The following MAP4 variants were observed in gnomAD, a reference collection of about 807,000 sequenced individuals.
MAP4 encodes microtubule-associated protein 4.
Under a neutral mutation model 170.2 loss-of-function variants are expected in MAP4, and 76 were observed. The ratio of observed to expected loss-of-function variants is 0.45; its 90% confidence interval spans 0.37 to 0.54. The LOEUF is 0.54. MAP4 is among the 20% of genes least tolerant of loss of function. The pLI is 0.00. For synonymous variants in MAP4, 909 were observed against 994.5 expected, an observed-to-expected ratio of 0.91 and a Z score of 1.62; for missense variants, 2,506 against 2,748.0, an observed-to-expected ratio of 0.91 and a Z score of 1.97.
In MAP4 at chr3:47,929,213, G is replaced by C. The variant is rs925042282; in HGVS notation, c.293-863C>G. On this transcript the variant is annotated intron_variant, in intron 3 of 20. Transcript: ENST00000683076. ...CTAGCAAAAATACAAAAATTAGCTG[G>C]GCATGGTGATGCATGCCTGTAATTC... 3.9e-5 allele frequency among the ~76,000 whole-genome samples: 6 copies of C among 152,054 alleles called. No homozygotes were observed. In the East Asian group the frequency reaches 1.2e-3, roughly 29 times the overall value.
At chr3:47,887,514 C>T (rs559330471) in intron 10 of MAP4, among the ~76,000 whole-genome samples, 10 of 152,226 alleles carry the variant, frequency 6.6e-5, no homozygotes, top group Non-Finnish European at 1.3e-4. Context: ...CTGTGCCGCC[C>T]GAGCCTCCCT....
At chr3:48,084,125 G>A (rs1444819952) in intron 1 of MAP4, among the ~76,000 whole-genome samples, 1 of 151,084 alleles carries the variant, frequency 6.6e-6, no homozygotes, top group African/African-American at 2.4e-5. Flanking sequence ...CAGGAGAATT[G>A]CTTGAACCCG....
chr3:47,871,887 G>A (rs1439020383), intron 13 of MAP4, 30 bp downstream of exon 13: 1 of 1,584,780 alleles, frequency 6.3e-7, no homozygotes, highest in Non-Finnish European at 8.6e-7. Flanking sequence ...CCCCTCCCTA[G>A]TTCCCATGGG....
intron 10 of MAP4, among the ~76,000 whole-genome samples, chr3:47,897,592 GA>G: frequency 6.6e-6 from 1 of 152,206 alleles, no homozygotes; most frequent in South Asian, 2.1e-4. Context: ...TGAAGTAAGG[GA>G]GAAAAAGAGG....
rs2096134451 is a variant in MAP4, at chr3:47,879,055, C to T, written c.5435-1532G>A. On this transcript the variant is annotated intron_variant, in intron 10 of 20. Transcript: ENST00000683076. Reference sequence around the variant, plus strand: ...TTATCCTAGAAGTGTATTTACACACCAGCCAAATAGTAAATGTGCAAGGTT... The same window carrying T: ...TTATCCTAGAAGTGTATTTACACACTAGCCAAATAGTAAATGTGCAAGGTT... 2.0e-5 allele frequency among the ~76,000 whole-genome samples: 3 copies of T among 151,938 alleles called. No individual in the cohort carries two copies. In the East Asian group the frequency reaches 5.8e-4, roughly 29 times the overall value.
At chr3:47,900,461 C>T (rs769333795) in intron 10 of MAP4, among the ~76,000 whole-genome samples, 4 of 152,096 alleles carry the variant, frequency 2.6e-5, no homozygotes, top group African/African-American at 4.8e-5. Context: ...CTCTAAAGGC[C>T]GGGCATGGTA....
chr3:47,891,981 T>G (rs1404129871), intron 10 of MAP4: 1 of 1,536,328 alleles, frequency 6.5e-7, no homozygotes, highest in East Asian at 2.4e-5. Flanking sequence ...CTGGTAGGGA[T>G]GTCAGCAGCC....
intron 2 of MAP4, among the ~76,000 whole-genome samples, chr3:47,982,392 AAAG>A (rs1415792108): frequency 6.6e-6 from 1 of 152,234 alleles, no homozygotes; most frequent in Non-Finnish European, 1.5e-5. Flanking sequence ...CAAGGACTCA[AAAG>A]AAGAATTTAA....
Position 47,910,985 on chromosome 3 carries a change from T to C in MAP4, c.3436A>G (p.Thr1146Ala). Residue 1146 changes from threonine (T) to alanine (A), a missense_variant, in exon 9 of 21, where the codon ACT becomes GCT. Thr to Ala is a moderately conservative substitution (Grantham distance 58). This residue lies in a region of MAP4 where 2,008 missense variants were observed against 2,206.0 expected (regional missense o/e 0.91). Transcript: ENST00000683076. Reference protein sequence around the residue: ...AVVMGEPKEMTQPKVAGTMQA... With the variant: ...AVVMGEPKEMAQPKVAGTMQA... ...ATGGTGCCTGCCACCTTAGGCTGAGTCATCTCTTTAGGCTCCCCCATCACC... is the reference window on the plus strand; with the variant it reads ...ATGGTGCCTGCCACCTTAGGCTGAGCCATCTCTTTAGGCTCCCCCATCACC... 1 of 1,536,088 alleles carries C rather than the reference T, an allele frequency of 6.5e-7. No homozygotes were observed. Among genetic ancestry groups the C allele is most frequent in the Non-Finnish European group, 8.7e-7 (1 of 1,146,894 alleles).
In MAP4 at chr3:48,038,187, A is replaced by C. The variant is rs2100119756; in HGVS notation, c.-19-39308T>G. Among the ~76,000 whole-genome samples, 9 of 151,752 alleles carry C rather than the reference A, an allele frequency of 5.9e-5. No individual in the cohort carries two copies. In the South Asian group the frequency reaches 1.9e-3, roughly 32 times the overall value. On this transcript the variant is annotated intron_variant, in intron 1 of 18. Transcript: ENST00000360240. ...CATCTCCAAAAAAAGAAAAAAAAAA[A>C]AAAAAAAGAGTGAGGATTTTCGGAA...
intron 2 of MAP4, among the ~76,000 whole-genome samples, chr3:47,997,986 T>C (rs1458185806): frequency 1.3e-5 from 2 of 152,212 alleles, no homozygotes; most frequent in South Asian, 2.1e-4. Context: ...GCTTTATTGA[T>C]GAATTCTATC....
chr3:47,894,768 G>A (rs1229576226), intron 10 of MAP4, among the ~76,000 whole-genome samples: 2 of 152,078 alleles, frequency 1.3e-5, no homozygotes, highest in African/African-American at 2.4e-5. Flanking sequence ...GCTCACACCT[G>A]TAATCCCAGC....
chr3:47,958,234 T>A (rs2100069041), intron 3 of MAP4, among the ~76,000 whole-genome samples: 2 of 152,126 alleles, frequency 1.3e-5, no homozygotes, highest in Admixed American at 6.5e-5. Flanking sequence ...AAATAAAGAT[T>A]AATGGAAAAC....
intron 2 of MAP4, among the ~76,000 whole-genome samples, chr3:47,993,186 C>G (rs1200715147): frequency 6.6e-6 from 1 of 152,058 alleles, no homozygotes; most frequent in Non-Finnish European, 1.5e-5. Context: ...CAGCCAGATG[C>G]AGTGGTCCGC....
intron 2 of MAP4, among the ~76,000 whole-genome samples, chr3:47,982,390 CAAA>C (rs2100085902): frequency 6.6e-6 from 1 of 151,916 alleles, no homozygotes; most frequent in African/African-American, 2.4e-5. Context: ...TTCAAGGACT[CAAA>C]AGAAGAATTT....
chr3:47,974,728 T>C, intron 3 of MAP4: 1 of 982,200 alleles, frequency 1.0e-6, no homozygotes, highest in Non-Finnish European at 1.2e-6. Flanking sequence ...AAGAAAGTCC[T>C]GTTGAAACAA....
chr3:47,913,466 A>C (rs1171590440), intron 8 of MAP4, among the ~76,000 whole-genome samples: 1 of 152,238 alleles, frequency 6.6e-6, no homozygotes, highest in Non-Finnish European at 1.5e-5. Flanking sequence ...TTCAGCAATT[A>C]ATCAGCAGCT....
intron 10 of MAP4, among the ~76,000 whole-genome samples, chr3:47,883,194 A>G (rs930323445): frequency 6.6e-6 from 1 of 152,132 alleles, no homozygotes; most frequent in Non-Finnish European, 1.5e-5. Context: ...AATATGATTT[A>G]TGACTTTAAA....
At chr3:48,007,315 T>C (rs948498824) in intron 1 of MAP4, among the ~76,000 whole-genome samples, 13 of 152,362 alleles carry the variant, frequency 8.5e-5, no homozygotes, top group African/African-American at 3.1e-4. Flanking sequence ...TAAGTTGTTG[T>C]GTTTGGTCTC....
Sources: gnomAD v4.1 joint callset for allele counts (sites outside exome capture counted in the v4.1 genomes callset) on GRCh38, gnomAD v4.1.1 for gene constraint, gnomAD v4.1.1 regional missense constraint, MANE v1.5 for transcripts, NCBI Gene and HGNC (gene_info 2026-07-23, HGNC 2026-07-21) for gene names.